WWC2: variants seen among roughly 807,000 people sequenced by gnomAD.
WWC2 encodes the protein protein WWC2.
In WWC2, 101 loss-of-function variants were observed where a neutral mutation model predicts 138.5. That is an observed-to-expected ratio of 0.73 (90% confidence interval 0.62 to 0.86). The LOEUF (loss-of-function observed/expected upper bound fraction) is 0.86. Ranked by LOEUF, WWC2 falls within the 40% of genes least tolerant of loss-of-function variation. The pLI, the probability that WWC2 is intolerant of heterozygous loss-of-function variation, is 0.00. For synonymous variants in WWC2, 558 were observed against 538.4 expected (o/e 1.04, Z -0.50); for missense variants, 1,420 against 1,419.4 (o/e 1.00, Z -0.01).
intron 4 of WWC2, among the ~76,000 whole-genome samples, chr4:183,218,539 G>T (rs1019411235): frequency 4.6e-5 from 7 of 152,142 alleles, no homozygotes; most frequent in Non-Finnish European, 7.3e-5. Flanking sequence ...GAAGATATTT[G>T]TTATAAAGAA....
chr4:183,259,499 C>T (rs142085842), intron 9 of WWC2, 140 bp from the exon 10 acceptor site: 121 of 655,026 alleles, frequency 1.8e-4, no homozygotes, highest in Non-Finnish European at 2.8e-4. Context: ...CACTTCTTGC[C>T]GGTGTCCTGT....
At chr4:183,288,643 C>G (rs1348480554) in intron 20 of WWC2, among the ~76,000 whole-genome samples, 1 of 152,206 alleles carries the variant, frequency 6.6e-6, no homozygotes, top group Non-Finnish European at 1.5e-5. Context: ...TCTTCTCTTC[C>G]TAGTACTTTG....
At chr4:183,296,929 G>A (rs905104064) in intron 21 of WWC2, among the ~76,000 whole-genome samples, 5 of 72,530 alleles carry the variant, frequency 6.9e-5, no homozygotes, top group Non-Finnish European at 7.2e-5. Flanking sequence ...GCGAGACTCC[G>A]TCTCAAAAAA....
At chr4:183,106,215 C>G (rs1464848470) in intron 1 of WWC2, among the ~76,000 whole-genome samples, 1 of 151,786 alleles carries the variant, frequency 6.6e-6, no homozygotes, top group African/African-American at 2.4e-5. Flanking sequence ...AACTTCTGAC[C>G]TCAGGTGATC....
chr4:183,288,241 C>T (rs543620938), intron 20 of WWC2, among the ~76,000 whole-genome samples: 2 of 152,242 alleles, frequency 1.3e-5, no homozygotes, highest in African/African-American at 4.8e-5. Context: ...TGGGCTAAGG[C>T]TCTGAAATCA....
At chr4:183,203,342 G>A (rs773659146) in intron 2 of WWC2, among the ~76,000 whole-genome samples, 1 of 151,618 alleles carries the variant, frequency 6.6e-6, no homozygotes, top group African/African-American at 2.4e-5. Flanking sequence ...CCCTTCTGAG[G>A]TACCCGCATT....
Position 183,319,976 on chromosome 4 carries a change from C to G in WWC2, c.*4247C>G. ...GCCCATTTGACAGAAACATTAAGATCCTGGAGACCCTGAGTTCAGCAGGCA... is the reference window on the plus strand; with the variant it reads ...GCCCATTTGACAGAAACATTAAGATGCTGGAGACCCTGAGTTCAGCAGGCA... On this transcript the variant is annotated 3_prime_UTR_variant, in exon 23 of 23. Transcript: ENST00000403733. 2 of 1,613,634 alleles carry G rather than the reference C, an allele frequency of 1.2e-6. No individual in the cohort carries two copies. The highest frequency in any genetic ancestry group is 1.7e-6 in the Non-Finnish European group (2 of 1,179,726).
chr4:183,105,584 T>C (rs1213687055), intron 1 of WWC2, among the ~76,000 whole-genome samples: 1 of 152,192 alleles, frequency 6.6e-6, no homozygotes, highest in Non-Finnish European at 1.5e-5. Context: ...TTGGTTAAAC[T>C]GATCTTGTGT....
At chr4:183,125,061 C>T (rs1487059645) in intron 1 of WWC2, among the ~76,000 whole-genome samples, 1 of 152,108 alleles carries the variant, frequency 6.6e-6, no homozygotes, top group Admixed American at 6.5e-5. Context: ...ATGAGGGCTG[C>T]TTGTAATGTG....
chr4:183,220,327 T>C (rs1735884698), intron 4 of WWC2, among the ~76,000 whole-genome samples: 1 of 152,124 alleles, frequency 6.6e-6, no homozygotes, highest in Admixed American at 6.5e-5. Flanking sequence ...GCTAAGTCTG[T>C]GGTAATTTGT....
chr4:183,200,185 G>C (rs945039850), intron 2 of WWC2, among the ~76,000 whole-genome samples: 1 of 151,616 alleles, frequency 6.6e-6, no homozygotes, highest in African/African-American at 2.4e-5. Flanking sequence ...GACAAATGCT[G>C]ATAGTTTATT....
chr4:183,154,021 A>C (rs1342665370), intron 1 of WWC2, among the ~76,000 whole-genome samples: 1 of 151,500 alleles, frequency 6.6e-6, no homozygotes, highest in African/African-American at 2.4e-5. Flanking sequence ...AAAAAAAAAA[A>C]AAAAAAACCC....
chr4:183,245,015 C>T (rs376735271), intron 5 of WWC2, among the ~76,000 whole-genome samples: 90 of 152,048 alleles, frequency 5.9e-4, no homozygotes, highest in African/African-American at 2.0e-3. Flanking sequence ...GTGCGGATCA[C>T]GAGGTCAGGA....
chr4:183,251,639 TG>T (rs1389730433), intron 8 of WWC2, among the ~76,000 whole-genome samples: 1 of 152,368 alleles, frequency 6.6e-6, no homozygotes, highest in Non-Finnish European at 1.5e-5. Context: ...CTCTTTTTCC[TG>T]TATTATGTTA....
intron 1 of WWC2, among the ~76,000 whole-genome samples, chr4:183,148,933 AT>A (rs1016760545): frequency 3.1e-4 from 46 of 147,596 alleles, no homozygotes; most frequent in East Asian, 9.9e-4. Context: ...TCAAATCCAA[AT>A]TTTTTTTTTT....
intron 20 of WWC2, among the ~76,000 whole-genome samples, chr4:183,288,725 C>T (rs1468854486): frequency 1.3e-5 from 2 of 152,164 alleles, no homozygotes; most frequent in Non-Finnish European, 2.9e-5. Flanking sequence ...GTTAAGATTG[C>T]CCCTGGGAAG....
chr4:183,219,793 A>G (rs1735870886), intron 4 of WWC2, among the ~76,000 whole-genome samples: 1 of 152,220 alleles, frequency 6.6e-6, no homozygotes, highest in Non-Finnish European at 1.5e-5. Flanking sequence ...GAATTCTAAA[A>G]TATTTTCCAA....
intron 9 of WWC2, among the ~76,000 whole-genome samples, chr4:183,255,095 C>T (rs138994284): frequency 2.4e-3 from 365 of 152,302 alleles, no homozygotes; most frequent in African/African-American, 8.3e-3. Context: ...CAAGGTAACA[C>T]GCAGCCTCAG....
intron 1 of WWC2, among the ~76,000 whole-genome samples, chr4:183,118,042 C>T (rs1443017264): frequency 6.6e-6 from 1 of 152,194 alleles, no homozygotes; most frequent in Non-Finnish European, 1.5e-5. Flanking sequence ...TCGTGATCCA[C>T]CCACCTTGGC....
Sources: gnomAD v4.1 joint callset for allele counts (sites outside exome capture counted in the v4.1 genomes callset) on GRCh38, gnomAD v4.1.1 for gene constraint, MANE v1.5 for transcripts, NCBI Gene and HGNC (gene_info 2026-07-23, HGNC 2026-07-21) for gene names.